Variants in PLCL2 observed in about 807,000 individuals in gnomAD.
The protein encoded by PLCL2 is inactive phospholipase C-like protein 2.
PLCL2 carries 4 observed loss-of-function variants against 79.6 expected under a neutral mutation model. That is an observed-to-expected ratio of 0.05 (90% confidence interval 0.02 to 0.11). The LOEUF (loss-of-function observed/expected upper bound fraction) is 0.11. PLCL2 is among the 10% of genes least tolerant of loss of function. The probability of loss-of-function intolerance (pLI) is 1.00; values close to 1 mark genes in which losing one functional copy is unlikely to be tolerated. For synonymous variants in PLCL2, 484 were observed against 457.7 expected (o/e 1.06, Z -0.73); for missense variants, 895 against 1,291.0 (o/e 0.69, Z 4.70).
At chr3:17,028,765 T>C (rs2064545661) in intron 3 of PLCL2, among the ~76,000 whole-genome samples, 1 of 152,018 alleles carries the variant, frequency 6.6e-6, no homozygotes, top group South Asian at 2.1e-4. Flanking sequence ...ATTCCTTTTT[T>C]AAAAGTACCT....
At chr3:16,939,620 AAG>A (rs1228121494) in intron 1 of PLCL2, among the ~76,000 whole-genome samples, 1 of 152,236 alleles carries the variant, frequency 6.6e-6, no homozygotes, top group Non-Finnish European at 1.5e-5. Context: ...AACAATAAAA[AAG>A]TAGTTATTTC....
intron 5 of PLCL2, among the ~76,000 whole-genome samples, chr3:17,079,232 C>A (rs1398318908): frequency 6.6e-6 from 1 of 152,116 alleles, no homozygotes; most frequent in East Asian, 1.9e-4. Context: ...AGCTGGGCCA[C>A]CCTCCCCTCC....
At chr3:16,948,813 A>T (rs2063624614) in intron 1 of PLCL2, among the ~76,000 whole-genome samples, 1 of 152,212 alleles carries the variant, frequency 6.6e-6, no homozygotes, top group African/African-American at 2.4e-5. Context: ...AAATGTACTG[A>T]GAATTTTTAT....
chr3:16,963,882 G>C (rs2063779490), intron 1 of PLCL2, among the ~76,000 whole-genome samples: 2 of 151,688 alleles, frequency 1.3e-5, no homozygotes, highest in South Asian at 4.2e-4. Context: ...GTTAACTACT[G>C]AGCACAGGCA....
At chr3:16,895,332 T>G (rs1696454211) in intron 1 of PLCL2, among the ~76,000 whole-genome samples, 1 of 152,214 alleles carries the variant, frequency 6.6e-6, no homozygotes. Context: ...AGTCATTTAT[T>G]TAACCACTGG....
At chr3:16,968,108 C>A (rs1381085258) in intron 1 of PLCL2, among the ~76,000 whole-genome samples, 1 of 152,012 alleles carries the variant, frequency 6.6e-6, no homozygotes, top group Non-Finnish European at 1.5e-5. Context: ...CCATCCCATT[C>A]CATTGATCCA....
chr3:17,059,414 GTGTGTA>G (rs2064923153), intron 4 of PLCL2, among the ~76,000 whole-genome samples: 2 of 136,886 alleles, frequency 1.5e-5, no homozygotes, highest in Non-Finnish European at 1.6e-5. Flanking sequence ...AGGTATGTAT[GTGTGTA>G]TGTGTGTGTG....
chr3:17,043,545 C>T (rs1473664183), intron 4 of PLCL2, among the ~76,000 whole-genome samples: 1 of 151,768 alleles, frequency 6.6e-6, no homozygotes, highest in Non-Finnish European at 1.5e-5. Flanking sequence ...AATAAAAATA[C>T]ACAAAATGGA....
At chr3:16,943,643 A>G (rs1322092170) in intron 1 of PLCL2, among the ~76,000 whole-genome samples, 13 of 152,160 alleles carry the variant, frequency 8.5e-5, no homozygotes, top group Non-Finnish European at 1.6e-4. Context: ...TACATAACAT[A>G]TGTGTTTTTA....
At chr3:17,086,199 A>C (rs2065218430) in intron 5 of PLCL2, among the ~76,000 whole-genome samples, 1 of 152,248 alleles carries the variant, frequency 6.6e-6, no homozygotes, top group Non-Finnish European at 1.5e-5. Flanking sequence ...ACTTACTGCA[A>C]AGCTACAGGA....
Position 17,010,264 on chromosome 3 carries a change from C to G in PLCL2, c.918C>G (p.Ser306Arg). The change falls in exon 2 of 6, where the codon AGC becomes AGG. Residue 306 changes from serine (S) to arginine (R), a missense_variant. Transcript: ENST00000615277. The surrounding 1 kb of genome is among the most constrained non-coding windows in gnomAD (Gnocchi z 5.8). ...ACCTCAATCCTGGTTTAAAAACGAG[C>G]AAAATTGAGCTTAAGTTCAAAGAAT... ...IRNLNPGLKT[S>R]KIELKFKELH... The G allele has an allele frequency of 6.2e-7, 1 of 1,613,844 alleles. No individual in the cohort carries two copies. Among genetic ancestry groups the G allele is most frequent in the South Asian group, 1.1e-5 (1 of 91,070 alleles).
At chr3:16,951,619 T>G (rs192802565) in intron 1 of PLCL2, among the ~76,000 whole-genome samples, 213 of 152,298 alleles carry the variant, frequency 1.4e-3, no homozygotes, top group Admixed American at 0.013. Flanking sequence ...CTTTTTATTG[T>G]TCTCATTTTC....
chr3:16,932,828 ACT>A (rs1275645883), intron 1 of PLCL2, among the ~76,000 whole-genome samples: 1 of 152,192 alleles, frequency 6.6e-6, no homozygotes, highest in South Asian at 2.1e-4. Flanking sequence ...AAACAGCCTC[ACT>A]CTGTCTTGCC....
intron 1 of PLCL2, among the ~76,000 whole-genome samples, chr3:16,936,184 T>G (rs946971710): frequency 6.6e-6 from 1 of 152,232 alleles, no homozygotes; most frequent in Admixed American, 6.5e-5. Flanking sequence ...CATTTATCAT[T>G]TGGCAGCAAG....
At chr3:16,951,123 T>G (rs1192745189) in intron 1 of PLCL2, among the ~76,000 whole-genome samples, 1 of 150,910 alleles carries the variant, frequency 6.6e-6, no homozygotes, top group African/African-American at 2.5e-5. Context: ...TGGCTTTCTG[T>G]TTTTTTTCCT....
At position 16,916,097 on chromosome 3, in the gene PLCL2, C is replaced by T. The variant is rs373610985; in HGVS notation, c.327+30731C>T. Among the ~76,000 whole-genome samples the T allele has an allele frequency of 4.6e-5, 7 of 152,240 alleles. No homozygotes were observed. In the East Asian group the frequency reaches 7.7e-4, roughly 17 times the overall value. ...TTCATCTGACTAAAAGTTTTTCCTTCGCTTGTTGCAGACGACAGCCGACTT... is the reference window on the plus strand; with the variant it reads ...TTCATCTGACTAAAAGTTTTTCCTTTGCTTGTTGCAGACGACAGCCGACTT... On this transcript the variant is annotated intron_variant, in intron 1 of 5. Coordinates refer to ENST00000615277, the MANE Select transcript of PLCL2 (RefSeq NM_001144382.2).
chr3:17,019,643 A>G (rs2064426253), intron 3 of PLCL2, among the ~76,000 whole-genome samples: 1 of 152,180 alleles, frequency 6.6e-6, no homozygotes. Context: ...CCATAAAGAT[A>G]GAAAATTCTT....
intron 3 of PLCL2, among the ~76,000 whole-genome samples, chr3:17,042,590 A>G (rs1245115372): frequency 6.6e-6 from 1 of 152,198 alleles, no homozygotes; most frequent in Non-Finnish European, 1.5e-5. Context: ...TTCACGCTGA[A>G]ATGAACTCAG....
intron 3 of PLCL2, among the ~76,000 whole-genome samples, chr3:17,015,628 G>A (rs1397271446): frequency 6.6e-6 from 1 of 152,062 alleles, no homozygotes; most frequent in Admixed American, 6.5e-5. Flanking sequence ...TTAAGGGTTG[G>A]TGTTGGACAC....
Sources: gnomAD v4.1 joint callset for allele counts (sites outside exome capture counted in the v4.1 genomes callset) on GRCh38, gnomAD v4.1.1 for gene constraint, Gnocchi (gnomAD v3.1) non-coding constraint, MANE v1.5 for transcripts, NCBI Gene and HGNC (gene_info 2026-07-23, HGNC 2026-07-21) for gene names.